ATRNL1: variants seen among roughly 807,000 people sequenced by gnomAD.
ATRNL1 encodes attractin-like protein 1.
ATRNL1 carries 95 observed loss-of-function variants against 182.7 expected under a neutral mutation model. That is an observed-to-expected ratio of 0.52 (90% CI 0.44 to 0.62). The LOEUF is 0.62. ATRNL1 is among the 20% of genes least tolerant of loss of function. ATRNL1 has a pLI of 0.00. For missense variants in ATRNL1, 1,471 were observed against 1,679.5 expected, an observed-to-expected ratio of 0.88 and a Z score of 2.17; for synonymous variants, 576 against 568.3, an observed-to-expected ratio of 1.01 and a Z score of -0.19.
chr10:115,583,214 G>C lies in ATRNL1; in HGVS notation c.3795+33678G>C, dbSNP rs370465127. 6.0e-3 allele frequency among the ~76,000 whole-genome samples: 868 copies of C among 144,370 alleles called. 8 individuals carry two copies. The highest frequency in any genetic ancestry group is 0.021 in the African/African-American group (818 of 39,514). The allele number at this position is 144,370 out of a possible 152,430, so 94.7% of individuals were successfully genotyped here. A position where few individuals can be genotyped will look rare whatever the true frequency, so the allele number is the denominator to read the frequency against. ...AGCTTTGTTCTTTTGGCTTAGGATT[G>C]ACTTGGCGATGCGGGCTCTTTTTTG... On this transcript the variant is annotated intron_variant, in intron 26 of 28. Transcript: ENST00000355044.
chr10:115,376,102 T>C (rs189054643), intron 19 of ATRNL1, among the ~76,000 whole-genome samples: 2 of 152,270 alleles, frequency 1.3e-5, no homozygotes, highest in East Asian at 3.9e-4. Flanking sequence ...CCTTTGCTGA[T>C]GTAAAAGTCT....
At chr10:115,169,838 G>A (rs1241996460) in intron 7 of ATRNL1, among the ~76,000 whole-genome samples, 1 of 151,994 alleles carries the variant, frequency 6.6e-6, no homozygotes, top group Admixed American at 6.6e-5. Context: ...GTAATTTTCA[G>A]AGTATAAGGT....
chr10:115,177,924 G>GT (rs587742941), intron 8 of ATRNL1, among the ~76,000 whole-genome samples: 1,114 of 81,760 alleles, frequency 0.014, 16 homozygotes, highest in Admixed American at 0.02. Context: ...TTTTTTTTTT[G>GT]TTTTTTTTTT....
chr10:115,837,301 A>G (rs1950697329), intron 27 of ATRNL1, among the ~76,000 whole-genome samples: 1 of 152,024 alleles, frequency 6.6e-6, no homozygotes, highest in Non-Finnish European at 1.5e-5. Context: ...GAGTTCCATA[A>G]CTTTGATTCC....
intron 26 of ATRNL1, among the ~76,000 whole-genome samples, chr10:115,582,592 G>T (rs1855194932): frequency 7.4e-6 from 1 of 134,560 alleles, no homozygotes; most frequent in Non-Finnish European, 1.6e-5. Flanking sequence ...TGATGGGTTT[G>T]TTTGTTTTTT....
intron 15 of ATRNL1, among the ~76,000 whole-genome samples, chr10:115,296,303 A>C (rs1853186766): frequency 6.6e-6 from 1 of 151,818 alleles, no homozygotes; most frequent in African/African-American, 2.4e-5. Context: ...CCCCCACTGC[A>C]CTCCAGCACT....
intron 21 of ATRNL1, among the ~76,000 whole-genome samples, chr10:115,457,623 CT>C (rs1255695156): frequency 2.6e-5 from 4 of 152,096 alleles, no homozygotes; most frequent in African/African-American, 9.7e-5. Context: ...ATCCTCCATT[CT>C]CTTTCTCAGC....
chr10:115,668,186 G>A (rs1465434929), intron 26 of ATRNL1, among the ~76,000 whole-genome samples: 1 of 151,940 alleles, frequency 6.6e-6, no homozygotes, highest in African/African-American at 2.4e-5. Flanking sequence ...ACCCCTCCAA[G>A]CTTAGGGGTG....
At chr10:115,446,462 T>C (rs1554966716) in intron 21 of ATRNL1, among the ~76,000 whole-genome samples, 1 of 151,958 alleles carries the variant, frequency 6.6e-6, no homozygotes, top group African/African-American at 2.4e-5. Flanking sequence ...GTGGAGTCAG[T>C]GTTTTTTAGA....
chr10:115,175,433 C>G (rs1376744184), intron 8 of ATRNL1, among the ~76,000 whole-genome samples: 3 of 151,966 alleles, frequency 2.0e-5, no homozygotes, highest in Admixed American at 6.6e-5. Flanking sequence ...TTTAGATAAT[C>G]TAAACATATT....
chr10:115,445,219 A>G (rs1462784166), intron 21 of ATRNL1, among the ~76,000 whole-genome samples: 1 of 150,390 alleles, frequency 6.6e-6, no homozygotes, highest in East Asian at 2.0e-4. Context: ...ACCTGAGGTC[A>G]GGAGTTTGAG....
At chr10:115,350,119 T>C (rs1379810080) in intron 19 of ATRNL1, among the ~76,000 whole-genome samples, 3 of 151,824 alleles carry the variant, frequency 2.0e-5, no homozygotes, top group Admixed American at 1.3e-4. Flanking sequence ...GGGCAGATCA[T>C]GAGGTCAAGA....
chr10:115,373,251 C>A (rs924250397), intron 19 of ATRNL1, among the ~76,000 whole-genome samples: 12 of 151,920 alleles, frequency 7.9e-5, no homozygotes, highest in African/African-American at 2.9e-4. Flanking sequence ...TTTGTTATTT[C>A]TAATGGGTTT....
intron 14 of ATRNL1, 26 bp downstream of exon 14, chr10:115,281,513 G>A (rs1554916819): frequency 1.2e-6 from 2 of 1,608,142 alleles, no homozygotes; most frequent in African/African-American, 1.3e-5. Flanking sequence ...TTTAGTAAAT[G>A]AGTTTATGGT....
At position 115,833,183 on chromosome 10, in the gene ATRNL1, A is replaced by G. The variant is rs115247380; in HGVS notation, c.3904-14694A>G. On this transcript the variant is annotated intron_variant, in intron 27 of 28. Coordinates refer to ENST00000355044, the MANE Select transcript of ATRNL1 (RefSeq NM_207303.4). ...TTGAATGCCTACTGTATGCAATACA[A>G]TATACCAGGTGCTTTAAATAAGTTA... Among the ~76,000 whole-genome samples, 309 of 152,350 alleles carry G rather than the reference A, an allele frequency of 2.0e-3. 1 individual carries two copies. Among genetic ancestry groups the G allele is most frequent in the African/African-American group, 7.1e-3 (297 of 41,584 alleles).
intron 27 of ATRNL1, among the ~76,000 whole-genome samples, chr10:115,768,368 C>A (rs1351660078): frequency 6.6e-6 from 1 of 151,992 alleles, no homozygotes; most frequent in Non-Finnish European, 1.5e-5. Context: ...TTATGATTTG[C>A]TATTTTATGA....
chr10:115,354,035 A>G (rs1452487463), intron 19 of ATRNL1, among the ~76,000 whole-genome samples: 1 of 152,204 alleles, frequency 6.6e-6, no homozygotes, highest in African/African-American at 2.4e-5. Flanking sequence ...TTGTTGCACT[A>G]GAGCAAGCTT....
intron 26 of ATRNL1, among the ~76,000 whole-genome samples, chr10:115,664,235 G>A (rs2133912266): frequency 6.6e-6 from 1 of 152,252 alleles, no homozygotes; most frequent in South Asian, 2.1e-4. Context: ...GTATTATGCT[G>A]TGTTCTCCAT....
intron 9 of ATRNL1, among the ~76,000 whole-genome samples, chr10:115,223,859 TTATATATAACATATGTGTATTTAATATA>T (rs1329678552): frequency 2.7e-5 from 4 of 145,902 alleles, no homozygotes; most frequent in African/African-American, 1.0e-4. Flanking sequence ...GTATATATAT[TTATATATAACATATGTGTATTTAATATA>T]TGTGTGTGTG....
Sources: gnomAD v4.1 joint callset for allele counts (sites outside exome capture counted in the v4.1 genomes callset) on GRCh38, gnomAD v4.1.1 for gene constraint, MANE v1.5 for transcripts, NCBI Gene and HGNC (gene_info 2026-07-23, HGNC 2026-07-21) for gene names.